The following MON2 variants were observed in gnomAD, a reference collection of about 807,000 sequenced individuals.
MON2 encodes protein MON2 homolog.
MON2 carries 84 observed loss-of-function variants against 208.6 expected under a neutral mutation model. That is an observed-to-expected ratio of 0.40 (90% CI 0.34 to 0.48). The LOEUF (loss-of-function observed/expected upper bound fraction) is 0.48. Ranked by LOEUF, MON2 falls within the 20% of genes least tolerant of loss-of-function variation. MON2 has a pLI of 0.59. For synonymous variants in MON2, 660 were observed against 694.0 expected (o/e 0.95, Z 0.77); for missense variants, 1,611 against 2,015.4 (o/e 0.80, Z 3.84).
At chr12:62,507,010 A>G (rs961320496) in intron 7 of MON2, among the ~76,000 whole-genome samples, 5 of 152,208 alleles carry the variant, frequency 3.3e-5, no homozygotes, top group Admixed American at 2.0e-4. Flanking sequence ...ATGATATACC[A>G]TGGCTATAAG....
At chr12:62,548,236 A>G (rs2073581425) in intron 22 of MON2, among the ~76,000 whole-genome samples, 1 of 152,146 alleles carries the variant, frequency 6.6e-6, no homozygotes, top group Non-Finnish European at 1.5e-5. Context: ...GAAATAAGAG[A>G]TGGATTTGAG....
At chr12:62,570,194 G>A (rs1015816874) in intron 29 of MON2, among the ~76,000 whole-genome samples, 1 of 152,122 alleles carries the variant, frequency 6.6e-6, no homozygotes, top group Non-Finnish European at 1.5e-5. Context: ...TTGATCAGTT[G>A]AAAAGAGAAG....
At chr12:62,535,459 C>T in intron 13 of MON2, 66 bp from the exon 14 acceptor site, 2 of 1,185,762 alleles carry the variant, frequency 1.7e-6, no homozygotes, top group East Asian at 2.6e-5. Flanking sequence ...TACTTAATTC[C>T]ACATCATGCT....
At chr12:62,564,506 A>AT (rs1157014269) in intron 26 of MON2, among the ~76,000 whole-genome samples, 1 of 151,992 alleles carries the variant, frequency 6.6e-6, no homozygotes, top group African/African-American at 2.4e-5. Flanking sequence ...AGAAAAAAAA[A>AT]CCCAATTTAA....
At chr12:62,588,265 C>T in intron 34 of MON2, 109 bp downstream of exon 34, 1 of 698,268 alleles carries the variant, frequency 1.4e-6, no homozygotes, top group South Asian at 2.0e-5. Context: ...AGTCATTAGA[C>T]TTCTTTTCTC....
chr12:62,500,653 T>A, intron 5 of MON2, 130 bp from the exon 6 acceptor site: 1 of 532,302 alleles, frequency 1.9e-6, no homozygotes, highest in Non-Finnish European at 3.2e-6. Flanking sequence ...ACATTGGAAA[T>A]TTTAATTCTG....
At chr12:62,556,863 C>T (rs1318021638) in intron 25 of MON2, among the ~76,000 whole-genome samples, 1 of 152,028 alleles carries the variant, frequency 6.6e-6, no homozygotes, top group East Asian at 1.9e-4. Flanking sequence ...ATAGCTTGAG[C>T]CCAGGAGTTT....
At chr12:62,588,723 G>T in intron 34 of MON2, 1 of 513,832 alleles carries the variant, frequency 1.9e-6, no homozygotes, top group South Asian at 3.2e-5. Context: ...AAATTGCAAA[G>T]AATACTCCAG....
intron 8 of MON2, among the ~76,000 whole-genome samples, chr12:62,513,509 A>G (rs577695080): frequency 6.6e-6 from 1 of 152,008 alleles, no homozygotes; most frequent in African/African-American, 2.4e-5. Flanking sequence ...TATAGGCATG[A>G]GCCACTGCGC....
At chr12:62,505,017 T>C (rs1282176521) in intron 7 of MON2, among the ~76,000 whole-genome samples, 1 of 152,180 alleles carries the variant, frequency 6.6e-6, no homozygotes, top group Non-Finnish European at 1.5e-5. Context: ...AGAAGGAATT[T>C]GAAGAGCAGT....
rs979200901 is a variant in MON2, at chr12:62,598,633, T to C, written c.*5884T>C. ...GTTTATGTCAGACTGGATATATTTATCTAATTTTGTGAAATTATTTTTTAG... is the reference window on the plus strand; with the variant it reads ...GTTTATGTCAGACTGGATATATTTACCTAATTTTGTGAAATTATTTTTTAG... On this transcript the variant is annotated 3_prime_UTR_variant, in exon 35 of 35. Coordinates refer to ENST00000393630, the MANE Select transcript of MON2 (RefSeq NM_015026.3). 6 of 152,218 alleles carry C rather than the reference T, an allele frequency of 3.9e-5. No individual in the cohort carries two copies. Among genetic ancestry groups the C allele is most frequent in the Non-Finnish European group, 8.8e-5 (6 of 68,030 alleles). 9.4% of individuals were successfully genotyped at this position (152,218 alleles called of 1,614,324 possible).
chr12:62,521,442 G>A (rs987508653), intron 8 of MON2, among the ~76,000 whole-genome samples: 4 of 152,074 alleles, frequency 2.6e-5, no homozygotes, highest in African/African-American at 7.3e-5. Flanking sequence ...TTTGGCCCAC[G>A]TGCATTGAAA....
At position 62,571,052 on chromosome 12, in the gene MON2, C is replaced by T. The variant is rs111952283; in HGVS notation, c.4324-340C>T. 7.7e-4 allele frequency among the ~76,000 whole-genome samples: 117 copies of T among 151,992 alleles called. 2 individuals carry two copies. Among genetic ancestry groups the T allele is most frequent in the Non-Finnish European group, 2.4e-4 (16 of 67,994 alleles). On this transcript the variant is annotated intron_variant, in intron 29 of 34. Coordinates refer to ENST00000393630, the MANE Select transcript of MON2 (RefSeq NM_015026.3). ...GCCAGAATTTTCTAATCCATAACATCGGGTTAAGAAAAGGTACAGAATTGT... is the reference window on the plus strand; with the variant it reads ...GCCAGAATTTTCTAATCCATAACATTGGGTTAAGAAAAGGTACAGAATTGT...
At chr12:62,507,988 C>G in intron 7 of MON2, among the ~76,000 whole-genome samples, 1 of 152,084 alleles carries the variant, frequency 6.6e-6, no homozygotes, top group South Asian at 2.1e-4. Flanking sequence ...CAAGGCTCAT[C>G]TTGAACTCCT....
intron 32 of MON2, among the ~76,000 whole-genome samples, chr12:62,582,558 A>T (rs2075040572): frequency 6.6e-6 from 1 of 152,342 alleles, no homozygotes; most frequent in South Asian, 2.1e-4. Flanking sequence ...ATTGAAGGAC[A>T]GCCTTTTTCT....
At chr12:62,483,919 T>C (rs1401701339) in intron 1 of MON2, among the ~76,000 whole-genome samples, 2 of 152,218 alleles carry the variant, frequency 1.3e-5, no homozygotes, top group Non-Finnish European at 2.9e-5. Context: ...GATAATGCCT[T>C]AAGGCAGAGG....
rs1345430960 is a variant in MON2, at chr12:62,495,167, G to C, written c.435+20G>C. 2 of 1,585,544 alleles carry C rather than the reference G, an allele frequency of 1.3e-6. No homozygotes were observed. Among genetic ancestry groups the C allele is most frequent in the Non-Finnish European group, 1.7e-6 (2 of 1,164,412 alleles). Reference sequence around the variant, plus strand: ...TCTAAGGTAGGAAAACTGTTTGCCAGAGTTCATATGTGCTTTGAGACAGTA... The same window carrying C: ...TCTAAGGTAGGAAAACTGTTTGCCACAGTTCATATGTGCTTTGAGACAGTA... On this transcript the variant is annotated intron_variant, in intron 4 of 34. Coordinates refer to ENST00000393630, the MANE Select transcript of MON2 (RefSeq NM_015026.3).
chr12:62,534,031 G>T (rs972302696), intron 12 of MON2, among the ~76,000 whole-genome samples: 1 of 152,132 alleles, frequency 6.6e-6, no homozygotes, highest in African/African-American at 2.4e-5. Flanking sequence ...GTTACACTGC[G>T]CCCTGCCCTC....
At position 62,489,838 on chromosome 12, in the gene MON2, G is replaced by C. The variant is rs148263348; in HGVS notation, c.176-4077G>C. Reference sequence around the variant, plus strand: ...TGAACCCACTAAAATACCTTTTAATGTTGTTAGGAATGTCAGTCTTCCCCA... The same window carrying C: ...TGAACCCACTAAAATACCTTTTAATCTTGTTAGGAATGTCAGTCTTCCCCA... On this transcript the variant is annotated intron_variant, in intron 2 of 34. Coordinates refer to ENST00000393630, the MANE Select transcript of MON2 (RefSeq NM_015026.3). 5.6e-3 allele frequency among the ~76,000 whole-genome samples: 857 copies of C among 152,122 alleles called. 6 individuals are homozygous for C. Among genetic ancestry groups the C allele is most frequent in the Non-Finnish European group, 9.2e-3 (622 of 67,920 alleles).
Sources: gnomAD v4.1 joint callset for allele counts (sites outside exome capture counted in the v4.1 genomes callset) on GRCh38, gnomAD v4.1.1 for gene constraint, MANE v1.5 for transcripts, NCBI Gene and HGNC (gene_info 2026-07-23, HGNC 2026-07-21) for gene names.